Variants in UTRN observed in about 807,000 individuals in gnomAD.
UTRN encodes utrophin, also known as dystrophin-related protein 1.
In UTRN, 283 loss-of-function variants were observed where a neutral mutation model predicts 463.9. The ratio of observed to expected loss-of-function variants is 0.61; its 90% CI spans 0.55 to 0.67. The LOEUF is 0.67. Among genes scored for constraint, UTRN ranks in the 30% least tolerant of loss-of-function variants. The probability of loss-of-function intolerance (pLI) is 0.00; values close to 1 mark genes in which losing one functional copy is unlikely to be tolerated. For synonymous variants in UTRN, 1,442 were observed against 1,431.5 expected (o/e 1.01, Z -0.17); for missense variants, 3,922 against 4,084.3 (o/e 0.96, Z 1.08).
rs766051803 is a variant in UTRN, at chr6:144,440,460, G to T, written c.1501G>T (p.Asp501Tyr). The T allele has an allele frequency of 1.9e-6, 3 of 1,614,148 alleles. No homozygotes were observed. The highest frequency in any genetic ancestry group is 1.1e-5 in the South Asian group (1 of 91,080). ...TGAGAGTGCTACAGCTATCCTAGAAGACCAGTTACAGGTAAGAGTGCTGTA... is the reference window on the plus strand; with the variant it reads ...TGAGAGTGCTACAGCTATCCTAGAATACCAGTTACAGGTAAGAGTGCTGTA... Reference protein sequence around the residue: ...SGESATAILEDQLQKLGERWT... With the variant: ...SGESATAILEYQLQKLGERWT... Residue 501 changes from aspartate to tyrosine, a missense_variant, in exon 13 of 75, where the codon GAC becomes TAC. Coordinates refer to ENST00000367545, the MANE Select transcript of UTRN (RefSeq NM_007124.3).
intron 14 of UTRN, among the ~76,000 whole-genome samples, chr6:144,445,570 CCT>C (rs1339326651): frequency 8.6e-5 from 13 of 151,480 alleles, no homozygotes; most frequent in East Asian, 4.0e-4. Context: ...CCCCCCCCGC[CCT>C]CAATCTGTGG....
chr6:144,495,564 C>T (rs1793557350), intron 33 of UTRN, among the ~76,000 whole-genome samples: 1 of 152,216 alleles, frequency 6.6e-6, no homozygotes, highest in African/African-American at 2.4e-5. Context: ...GGGCTCTGGC[C>T]TTGGCCAGCC....
At chr6:144,590,237 T>TATA (rs1026566146) in intron 51 of UTRN, among the ~76,000 whole-genome samples, 7 of 152,204 alleles carry the variant, frequency 4.6e-5, no homozygotes, top group Admixed American at 1.3e-4. Context: ...GTATTGGCTA[T>TATA]ATAATGTTAA....
intron 73 of UTRN, among the ~76,000 whole-genome samples, chr6:144,842,627 T>C (rs1233351961): frequency 6.6e-6 from 1 of 152,118 alleles, no homozygotes; most frequent in African/African-American, 2.4e-5. Context: ...ATAAAACATA[T>C]ATTTCTTTGT....
chr6:144,561,256 T>TAC (rs1455730140), intron 50 of UTRN, among the ~76,000 whole-genome samples: 8 of 75,666 alleles, frequency 1.1e-4, no homozygotes, highest in African/African-American at 2.2e-4. Context: ...TATATATATA[T>TAC]ATATACATAC....
At chr6:144,548,953 ATGAGGTTT>A in intron 47 of UTRN, 99 bp downstream of exon 47, 1 of 1,263,444 alleles carries the variant, frequency 7.9e-7, no homozygotes, top group Non-Finnish European at 1.1e-6. Context: ...CTATGAGAGA[ATGAGGTTT>A]AAAAAATTCT....
chr6:144,343,231 A>C (rs186582170), intron 2 of UTRN, among the ~76,000 whole-genome samples: 1 of 152,158 alleles, frequency 6.6e-6, no homozygotes, highest in African/African-American at 2.4e-5. Context: ...TGAGAGAAGG[A>C]CTAGAAAGTA....
intron 51 of UTRN, among the ~76,000 whole-genome samples, chr6:144,656,053 A>G (rs995602695): frequency 2.0e-5 from 3 of 152,112 alleles, no homozygotes; most frequent in Admixed American, 2.0e-4. Flanking sequence ...TTGCTTTCTC[A>G]TGAAACTCTA....
At chr6:144,596,599 G>T (rs1238976686) in intron 51 of UTRN, among the ~76,000 whole-genome samples, 1 of 152,142 alleles carries the variant, frequency 6.6e-6, no homozygotes, top group East Asian at 1.9e-4. Context: ...GACATCAAAT[G>T]AATCAAATAG....
At chr6:144,287,931 C>G (rs868833730) in intron 1 of UTRN, among the ~76,000 whole-genome samples, 11 of 152,194 alleles carry the variant, frequency 7.2e-5, no homozygotes, top group African/African-American at 2.7e-4. Flanking sequence ...TCTCACCTAG[C>G]CTTCTGTGAA....
Position 144,513,914 on chromosome 6 carries a change from T to G in UTRN, c.4950T>G (p.His1650Gln), listed in dbSNP as rs1795387778. The G allele has an allele frequency of 6.2e-7, 1 of 1,613,700 alleles. No homozygotes were observed. The highest frequency in any genetic ancestry group is 8.5e-7 in the Non-Finnish European group (1 of 1,179,828). The change falls in exon 36 of 75, where the codon CAT (histidine) becomes CAG (glutamine). Residue 1650 changes from histidine (H) to glutamine (Q), a missense_variant. His to Gln is a conservative substitution (Grantham distance 24). This residue lies in a region of UTRN where 2,349 missense variants were observed against 2,303.8 expected (regional missense o/e 1.02). Coordinates refer to ENST00000367545, the MANE Select transcript of UTRN (RefSeq NM_007124.3). ...TTTTATTAATTCCTTTGTAGAACCATCAGAACCAGCTAGAAATATTTGATG... is the reference window on the plus strand; with the variant it reads ...TTTTATTAATTCCTTTGTAGAACCAGCAGAACCAGCTAGAAATATTTGATG... ...TEDWCNTLMN[H>Q]QNQLEIFDGN... is the part of the protein sequence containing the mutation.
At chr6:144,386,057 A>G (rs1254517148) in intron 2 of UTRN, among the ~76,000 whole-genome samples, 1 of 152,188 alleles carries the variant, frequency 6.6e-6, no homozygotes, top group African/African-American at 2.4e-5. Flanking sequence ...GAAGGAAGTC[A>G]TTAGGAAAGT....
chr6:144,763,311 A>G (rs1160629338), intron 58 of UTRN, among the ~76,000 whole-genome samples: 2 of 152,244 alleles, frequency 1.3e-5, no homozygotes, highest in Middle Eastern at 3.4e-3. Context: ...ATTATCCTCA[A>G]TTTGTTACAT....
intron 51 of UTRN, among the ~76,000 whole-genome samples, chr6:144,640,259 T>G (rs995897486): frequency 1.3e-5 from 2 of 152,146 alleles, no homozygotes; most frequent in Non-Finnish European, 2.9e-5. Context: ...AGTTCCCCAC[T>G]GTGTCAGATG....
intron 51 of UTRN, among the ~76,000 whole-genome samples, chr6:144,649,922 C>T (rs958253627): frequency 3.9e-5 from 6 of 152,028 alleles, no homozygotes; most frequent in Non-Finnish European, 7.4e-5. Context: ...GGAATGATGA[C>T]GTGAAGAAAT....
chr6:144,295,000 A>G (rs912053099), intron 2 of UTRN, among the ~76,000 whole-genome samples: 4 of 152,212 alleles, frequency 2.6e-5, no homozygotes, highest in African/African-American at 7.2e-5. Flanking sequence ...GGTGTTGGGT[A>G]AAAGTAGACC....
rs551055104 is a variant in UTRN, at chr6:144,550,145, G to A, written c.6811-820G>A. On this transcript the variant is annotated intron_variant, in intron 47 of 74. Transcript: ENST00000367545. ...GGGTTTGAGTGATTTAGTTTCAGAC[G>A]TGTTGTGGTGGGGAGTCCTTATGCC... 1.6e-4 allele frequency among the ~76,000 whole-genome samples: 24 copies of A among 152,234 alleles called. No individual in the cohort carries two copies. In the South Asian group the frequency reaches 2.7e-3, roughly 17 times the overall value.
chr6:144,625,941 A>G (rs1041029810), intron 51 of UTRN, among the ~76,000 whole-genome samples: 3 of 152,198 alleles, frequency 2.0e-5, no homozygotes, highest in African/African-American at 7.2e-5. Context: ...GAAGGAAAAA[A>G]AATCAGTTTC....
Position 144,402,535 on chromosome 6 carries a change from A to G in UTRN, c.80-588A>G, listed in dbSNP as rs369092180. Reference sequence around the variant, plus strand: ...CAAAACCAAAACGGATAATGGTTTTAAATTCTTCTGATTTTTCTACCTGTA... The same window carrying G: ...CAAAACCAAAACGGATAATGGTTTTGAATTCTTCTGATTTTTCTACCTGTA... On this transcript the variant is annotated intron_variant, in intron 2 of 74. Transcript: ENST00000367545. Among the ~76,000 whole-genome samples, 110 of 152,266 alleles carry G rather than the reference A, an allele frequency of 7.2e-4. 3 individuals are homozygous for G. In the South Asian group the frequency reaches 0.022, roughly 30 times the overall value.
Sources: gnomAD v4.1 joint callset for allele counts (sites outside exome capture counted in the v4.1 genomes callset) on GRCh38, gnomAD v4.1.1 for gene constraint, gnomAD v4.1.1 regional missense constraint, MANE v1.5 for transcripts, NCBI Gene and HGNC (gene_info 2026-07-23, HGNC 2026-07-21) for gene names.